The following UBXN1 variants were observed in gnomAD, a reference collection of about 807,000 sequenced individuals.
The protein encoded by UBXN1 is UBX domain-containing protein 1.
UBXN1 carries 21 observed loss-of-function variants against 42.0 expected under a neutral mutation model. That is an observed-to-expected ratio of 0.50 (90% CI 0.35 to 0.72). UBXN1 has a LOEUF of 0.72. UBXN1 is among the 30% of genes least tolerant of loss of function. UBXN1 has a pLI of 0.00. For synonymous variants in UBXN1, 172 were observed against 142.6 expected (o/e 1.21, Z -1.47); for missense variants, 374 against 382.2 (o/e 0.98, Z 0.18).
At chr11:62,678,641 G>GGGCCC in intron 2 of UBXN1, 40 bp from the exon 3 acceptor site, 4 of 1,596,346 alleles carry the variant, frequency 2.5e-6, no homozygotes, top group Non-Finnish European at 3.4e-6. Flanking sequence ...CTTTGAGGCT[G>GGGCCC]CCCCTCCCGC....
At chr11:62,678,201 A>G (rs1388439168) in intron 4 of UBXN1, 83 bp from the exon 5 acceptor site, 3 of 1,603,070 alleles carry the variant, frequency 1.9e-6, no homozygotes, top group East Asian at 2.2e-5. Context: ...ATTAGGCGAC[A>G]TATATCCCAA....
rs899246157 is a variant in UBXN1 at position 62,678,335 on chromosome 11, G to A, written c.290+4C>T. 1 of 1,614,186 alleles carries A rather than the reference G, an allele frequency of 6.2e-7. No individual in the cohort carries two copies. The highest frequency in any genetic ancestry group is 8.5e-7 in the Non-Finnish European group (1 of 1,180,022). On this transcript the variant is annotated splice_donor_region_variant and intron_variant, in intron 4 of 8. Transcript: ENST00000301935. ...TCAGACACGTGAGATTGTTGTTACT[G>A]TACCTCTTAGTTTGTTCCTGTCTTT... is the stretch of plus-strand genomic sequence containing the variant.
chr11:62,677,309 G>A (rs1192811101), intron 7 of UBXN1: 7 of 634,838 alleles, frequency 1.1e-5, no homozygotes, highest in Non-Finnish European at 1.9e-5. Flanking sequence ...AAGGGTAACT[G>A]CTGAGTAAGA....
chr11:62,677,960 C>T lies in UBXN1; in HGVS notation c.449G>A (p.Arg150Lys), dbSNP rs1945056167. 1 of 1,613,994 alleles carries T rather than the reference C, an allele frequency of 6.2e-7. No individual in the cohort carries two copies. Among genetic ancestry groups the T allele is most frequent in the African/African-American group, 1.3e-5 (1 of 74,932 alleles). ...EDEMRRAAEE[R>K]RREKAEELAA... ...TAACTCCTCGGCCTTTTCCCTCCGC[C>T]TCTCCTCAGCAGCCCGGCGCATCTC... is the stretch of plus-strand genomic sequence containing the variant. Residue 150 changes from arginine (R) to lysine (K), a missense_variant, in exon 5 of 9, where the codon AGG becomes AAG. Physicochemically the swap from Arg to Lys is conservative, Grantham distance 26. Coordinates refer to ENST00000301935, the MANE Select transcript of UBXN1 (RefSeq NM_001286077.2).
chr11:62,677,434 C>G, intron 7 of UBXN1, 84 bp downstream of exon 7: 1 of 1,356,802 alleles, frequency 7.4e-7, no homozygotes, highest in Non-Finnish European at 1.0e-6. Context: ...GCAAAGGGCA[C>G]GTTAACTGAA....
In UBXN1 at chr11:62,678,328, T is replaced by C. The variant is rs1554981219; in HGVS notation, c.290+11A>G. 6.2e-7 allele frequency: 1 copy of C among 1,614,058 alleles called. No homozygotes were observed. The highest frequency in any genetic ancestry group is 8.5e-7 in the Non-Finnish European group (1 of 1,180,026). On this transcript the variant is annotated intron_variant, in intron 4 of 8. Coordinates refer to ENST00000301935, the MANE Select transcript of UBXN1 (RefSeq NM_001286077.2). ...ACGACCCTCAGACACGTGAGATTGT[T>C]GTTACTGTACCTCTTAGTTTGTTCC...
chr11:62,677,411 A>C (rs1266531740), intron 7 of UBXN1, 107 bp downstream of exon 7: 2 of 1,087,348 alleles, frequency 1.8e-6, no homozygotes, highest in African/African-American at 1.6e-5. Context: ...TTTACAAAGA[A>C]GGGAGAGATT....
chr11:62,677,366 CT>C, intron 7 of UBXN1, 151 bp downstream of exon 7: 1 of 812,686 alleles, frequency 1.2e-6, no homozygotes. Flanking sequence ...AATTTGATAC[CT>C]TTCCCAAGAG....
At chr11:62,677,308 T>C (rs923409921) in intron 7 of UBXN1, 1 of 633,934 alleles carries the variant, frequency 1.6e-6, no homozygotes, top group Non-Finnish European at 2.7e-6. Flanking sequence ...AAAGGGTAAC[T>C]GCTGAGTAAG....
At chr11:62,678,196 G>C (rs750830177) in intron 4 of UBXN1, 78 bp from the exon 5 acceptor site, 2 of 1,602,226 alleles carry the variant, frequency 1.2e-6, no homozygotes, top group East Asian at 4.5e-5. Flanking sequence ...ACAAAATTAG[G>C]CGACATATAT....
At position 62,678,930 on chromosome 11, in the gene UBXN1, G is replaced by A. The variant is rs1334223190; in HGVS notation, c.-7C>T. Reference sequence around the variant, plus strand: ...GAGCCGTCAGCTCCGCCATGGCGCCGACACCGCGGCTTCCGCGGGGACCTG... The same window carrying A: ...GAGCCGTCAGCTCCGCCATGGCGCCAACACCGCGGCTTCCGCGGGGACCTG... On this transcript the variant is annotated 5_prime_UTR_variant, in exon 1 of 9. Transcript: ENST00000301935. 1 of 1,581,444 alleles carries A rather than the reference G, an allele frequency of 6.3e-7. No homozygotes were observed. The highest frequency in any genetic ancestry group is 8.6e-7 in the Non-Finnish European group (1 of 1,167,528).
chr11:62,678,830 C>T (rs755514847), intron 1 of UBXN1, 35 bp downstream of exon 1: 3 of 1,609,044 alleles, frequency 1.9e-6, no homozygotes, highest in East Asian at 2.2e-5. Context: ...CGCGACCCCC[C>T]ACACCCGCAG....
chr11:62,678,517 G>C lies in UBXN1; in HGVS notation c.198C>G (p.Ser66=). ...GACCTTCAAGGCCGCCTTGCTCTGAGGAAGTGGGCTCCCGTCCCAGGATAT... is the reference window on the plus strand; with the variant it reads ...GACCTTCAAGGCCGCCTTGCTCTGACGAAGTGGGCTCCCGTCCCAGGATAT... ...LGHILGREPT[S]SEQGGLEGSG... The change falls in exon 3 of 9, where the codon TCC becomes TCG. Residue 66 remains serine, a synonymous_variant. Transcript: ENST00000301935. 1.9e-6 allele frequency: 3 copies of C among 1,611,614 alleles called. No homozygotes were observed. Among genetic ancestry groups the C allele is most frequent in the Non-Finnish European group, 2.5e-6 (3 of 1,178,712 alleles).
rs1565135002 is a variant in UBXN1, at chr11:62,677,642, GC to G, written c.535-9del. The G allele has an allele frequency of 6.2e-7, 1 of 1,611,964 alleles. No homozygotes were observed. Among genetic ancestry groups the G allele is most frequent in the Admixed American group, 1.7e-5 (1 of 59,636 alleles). On this transcript the variant is annotated splice_polypyrimidine_tract_variant and intron_variant, in intron 6 of 8. Transcript: ENST00000301935. ...GCCCACACTGCCACCATACTAAAGG[GC>G]AAAGTAAAACAGTCAATCAGGTACT...
chr11:62,676,777 A>C, intron 8 of UBXN1, 36 bp downstream of exon 8: 1 of 1,613,872 alleles, frequency 6.2e-7, no homozygotes, highest in Non-Finnish European at 8.5e-7. Flanking sequence ...CTACTCCCCC[A>C]GTTTCTAGTC....
rs759516787 is a variant in UBXN1 at position 62,678,094 on chromosome 11, C to G, written c.315G>C (p.Lys105Asn). 1.9e-6 allele frequency: 3 copies of G among 1,614,032 alleles called. No individual in the cohort carries two copies. Among genetic ancestry groups the G allele is most frequent in the Non-Finnish European group, 2.5e-6 (3 of 1,180,032 alleles). Reference protein sequence around the residue: ...TKRMLELVAQKQREREEREER... With the variant: ...TKRMLELVAQNQREREEREER... The stretch of plus-strand genomic sequence containing the variant: ...CCTCTCTTTCTTCACGCTCCCGCTG[C>G]TTCTGGGCCACCAGCTCCAACATCC... The change falls in exon 5 of 9, where the codon AAG becomes AAC. Residue 105 changes from lysine (K) to asparagine (N), a missense_variant. Physicochemically the swap from Lys to Asn is moderately conservative, Grantham distance 94 (BLOSUM62 0). Coordinates refer to ENST00000301935, the MANE Select transcript of UBXN1 (RefSeq NM_001286077.2).
intron 7 of UBXN1, 149 bp downstream of exon 7, chr11:62,677,369 T>C (rs938385555): frequency 1.2e-5 from 10 of 823,118 alleles, no homozygotes; most frequent in Non-Finnish European, 1.8e-5. Context: ...TTGATACCTT[T>C]CCCAAGAGTA....
At chr11:62,678,802 CA>C in intron 1 of UBXN1, 59 bp from the exon 2 acceptor site, 1 of 1,611,472 alleles carries the variant, frequency 6.2e-7, no homozygotes, top group South Asian at 1.1e-5. Flanking sequence ...CAGGCTGGGG[CA>C]AAGGCCGAGA....
chr11:62,676,770 C>A (rs1565134112), intron 8 of UBXN1, 43 bp downstream of exon 8: 1 of 1,614,186 alleles, frequency 6.2e-7, no homozygotes. Flanking sequence ...TGCCTCCCTA[C>A]TCCCCCAGTT....
Sources: allele counts gnomAD v4.1 joint callset, GRCh38; gene constraint gnomAD v4.1.1; transcripts MANE v1.5; gene names NCBI Gene and HGNC (gene_info 2026-07-23, HGNC 2026-07-21).